The following ZNF695 variants were observed in gnomAD, a reference collection of about 807,000 sequenced individuals.
The protein encoded by ZNF695 is zinc finger protein 695, also known as zinc finger protein SBZF3.
A neutral mutation model predicts 11.2 loss-of-function variants in ZNF695; 11 were observed. That is an observed-to-expected ratio of 0.98 (90% CI 0.62 to 1.62). ZNF695 has a LOEUF of 1.62. Among genes scored for constraint, ZNF695 ranks in the 40% most tolerant of loss-of-function variants. ZNF695 has a pLI of 0.00. For missense variants in ZNF695, 559 were observed against 590.5 expected (o/e 0.95, Z 0.55); for synonymous variants, 190 against 201.4 (o/e 0.94, Z 0.48).
At chr1:247,001,579 G>A (rs1669383418) in intron 1 of ZNF695, among the ~76,000 whole-genome samples, 1 of 151,806 alleles carries the variant, frequency 6.6e-6, no homozygotes, top group African/African-American at 2.4e-5. Flanking sequence ...TACACGTGGT[G>A]GCGGGCGCCT....
intron 5 of ZNF695, among the ~76,000 whole-genome samples, chr1:246,958,633 A>C (rs544384919): frequency 2.6e-5 from 4 of 152,250 alleles, no homozygotes; most frequent in South Asian, 2.1e-4. Flanking sequence ...CTCAGAGTCC[A>C]GGCGCCAGCC....
chr1:246,995,689 C>T (rs1669181679), intron 3 of ZNF695, among the ~76,000 whole-genome samples: 1 of 151,554 alleles, frequency 6.6e-6, no homozygotes, highest in Non-Finnish European at 1.5e-5. Flanking sequence ...GTGGCACATG[C>T]CTGTAATCTC....
chr1:247,002,263 G>A (rs1314273664), intron 1 of ZNF695, among the ~76,000 whole-genome samples: 1 of 151,826 alleles, frequency 6.6e-6, no homozygotes, highest in Non-Finnish European at 1.5e-5. Context: ...AATTAAGGCA[G>A]AAATGAAGAA....
intron 5 of ZNF695, among the ~76,000 whole-genome samples, chr1:246,959,310 A>AAAAATATAT (rs1558304450): frequency 2.0e-5 from 1 of 51,250 alleles, no homozygotes; most frequent in Non-Finnish European, 3.2e-5. Flanking sequence ...AAAAAAAAAA[A>AAAAATATAT]ATATATATAT....
chr1:247,004,865 AACC>A (rs1444401272), intron 1 of ZNF695, among the ~76,000 whole-genome samples: 4 of 152,228 alleles, frequency 2.6e-5, no homozygotes, highest in African/African-American at 9.6e-5. Context: ...GAATAAACTT[AACC>A]AAAGAAGTGA....
chr1:246,954,146 T>C (rs1053221383), intron 5 of ZNF695, among the ~76,000 whole-genome samples: 4 of 152,176 alleles, frequency 2.6e-5, no homozygotes, highest in Non-Finnish European at 5.9e-5. Context: ...AATGAACGAA[T>C]GACTTCAGTT....
chr1:247,004,068 CG>C (rs1307509081), intron 1 of ZNF695, among the ~76,000 whole-genome samples: 2 of 152,194 alleles, frequency 1.3e-5, no homozygotes, highest in East Asian at 3.9e-4. Context: ...AAAAATTAGC[CG>C]GGTGTGGTGG....
chr1:246,983,997 A>G (rs76544326), downstream of ZNF695, among the ~76,000 whole-genome samples: 4,748 of 151,714 alleles, frequency 0.031, 272 homozygotes, highest in African/African-American at 0.11. Flanking sequence ...TCTACTAAAA[A>G]AAGAATTAGC....
At chr1:246,950,315 C>G (rs1191671503) in intron 5 of ZNF695, among the ~76,000 whole-genome samples, 1 of 152,134 alleles carries the variant, frequency 6.6e-6, no homozygotes, top group Non-Finnish European at 1.5e-5. Context: ...TGAAAAGATT[C>G]AGACTTGCCA....
At chr1:246,948,068 CCTTTTCTTTTT>C (rs1368634369) in intron 5 of ZNF695, among the ~76,000 whole-genome samples, 7 of 151,876 alleles carry the variant, frequency 4.6e-5, no homozygotes, top group Non-Finnish European at 8.8e-5. Context: ...ACGTCGTTGA[CCTTTTCTTTTT>C]CTTTTCTTTT....
intron 3 of ZNF695, among the ~76,000 whole-genome samples, chr1:246,995,722 G>A (rs1019054445): frequency 6.6e-6 from 1 of 150,382 alleles, no homozygotes; most frequent in Non-Finnish European, 1.5e-5. Context: ...GGCTGAGGCA[G>A]GAGAATGACC....
intron 1 of ZNF695, among the ~76,000 whole-genome samples, chr1:247,003,436 A>T (rs1244963132): frequency 6.6e-6 from 1 of 152,200 alleles, no homozygotes; most frequent in Non-Finnish European, 1.5e-5. Flanking sequence ...AAAAGACACT[A>T]GGGCCGACTT....
chr1:246,984,295 A>G (rs1325546465), downstream of ZNF695, among the ~76,000 whole-genome samples: 1 of 151,392 alleles, frequency 6.6e-6, no homozygotes, highest in African/African-American at 2.4e-5. Context: ...AAAAAAAAAA[A>G]AAAAAGGAGG....
intron 5 of ZNF695, among the ~76,000 whole-genome samples, chr1:246,957,989 C>T (rs1400970881): frequency 2.6e-5 from 4 of 151,980 alleles, no homozygotes; most frequent in African/African-American, 4.8e-5. Flanking sequence ...CCCACAGAGA[C>T]GTTGGATCTA....
chr1:246,977,970 T>C (rs76852825), intron 4 of ZNF695, among the ~76,000 whole-genome samples: 4,636 of 152,298 alleles, frequency 0.03, 243 homozygotes, highest in African/African-American at 0.11. Flanking sequence ...GTGAAGCTAA[T>C]AGGACAGGGA....
chr1:246,995,740 G>A (rs1357717296), intron 3 of ZNF695, among the ~76,000 whole-genome samples: 1 of 148,708 alleles, frequency 6.7e-6, no homozygotes, highest in African/African-American at 2.5e-5. Flanking sequence ...ACCTGAACCC[G>A]GGACGCAGTT....
chr1:247,007,724 C>T (rs981452979), intron 1 of ZNF695, among the ~76,000 whole-genome samples, 182 bp downstream of exon 1: 3 of 152,024 alleles, frequency 2.0e-5, no homozygotes, highest in African/African-American at 7.2e-5. Flanking sequence ...GATCCCGCTG[C>T]CGGCCCGGCC....
At position 246,958,646 on chromosome 1, in the gene ZNF695, T is replaced by G. The variant is rs561045353; in HGVS notation, c.488+9049A>C. 3.3e-5 allele frequency among the ~76,000 whole-genome samples: 5 copies of G among 152,268 alleles called. No homozygotes were observed. In the East Asian group the frequency reaches 7.8e-4, roughly 24 times the overall value. ...CCCTCAGAGTCCAGGCGCCAGCCTT[T>G]GAGTCTTCCAGCTGATATCCCTGAC... On this transcript the variant is annotated intron_variant, in intron 5 of 5. Transcript: ENST00000487338.
At chr1:246,965,613 T>C (rs1354930752) in intron 5 of ZNF695, among the ~76,000 whole-genome samples, 1 of 152,074 alleles carries the variant, frequency 6.6e-6, no homozygotes, top group Non-Finnish European at 1.5e-5. Context: ...CGTGTGTGCC[T>C]GTAGCCCCAG....
Sources: allele counts gnomAD v4.1 joint callset (sites outside exome capture counted in the v4.1 genomes callset), GRCh38; gene constraint gnomAD v4.1.1; transcripts MANE v1.5; gene names NCBI Gene and HGNC (gene_info 2026-07-23, HGNC 2026-07-21).